Variants in CAST observed in about 807,000 individuals in gnomAD.
CAST encodes MIR583 host.
A neutral mutation model predicts 119.6 loss-of-function variants in CAST; 76 were observed. The ratio of observed to expected loss-of-function variants is 0.64; its 90% CI spans 0.53 to 0.77. The LOEUF is 0.77. Ranked by LOEUF, CAST falls within the 30% of genes least tolerant of loss-of-function variation. CAST has a pLI of 0.00. For synonymous variants in CAST, 319 were observed against 331.6 expected (o/e 0.96, Z 0.41); for missense variants, 953 against 946.5 (o/e 1.01, Z -0.09).
At chr5:96,514,302 C>A in the CAST span, among the ~76,000 whole-genome samples, 19 of 152,090 alleles carry the variant, frequency 1.2e-4, no homozygotes, top group Admixed American at 9.8e-4. Context: ...ACAGGTTATT[C>A]ATTTATGAGT....
At chr5:96,027,361 A>G in the CAST span, among the ~76,000 whole-genome samples, 1 of 152,132 alleles carries the variant, frequency 6.6e-6, no homozygotes, top group African/African-American at 2.4e-5. Flanking sequence ...TTTCAGCATT[A>G]TTAATTTTGC....
chr5:96,543,530 C>T (rs1001823154), intron 1 of CAST, among the ~76,000 whole-genome samples: 7 of 152,036 alleles, frequency 4.6e-5, no homozygotes, highest in African/African-American at 7.2e-5. Context: ...ACATGTACCC[C>T]GGAACTTAAA....
the CAST span, among the ~76,000 whole-genome samples, chr5:96,375,036 T>C: frequency 2.6e-5 from 4 of 152,236 alleles, no homozygotes; most frequent in African/African-American, 4.8e-5. Context: ...TTCTCATATA[T>C]TCAATAAGTC....
At chr5:96,491,268 G>A in the CAST span, among the ~76,000 whole-genome samples, 1 of 151,342 alleles carries the variant, frequency 6.6e-6, no homozygotes, top group Non-Finnish European at 1.5e-5. Context: ...GGTGGATCAC[G>A]AGGTCAGGAG....
chr5:96,045,249 A>AT, the CAST span, among the ~76,000 whole-genome samples: 1 of 152,042 alleles, frequency 6.6e-6, no homozygotes, highest in African/African-American at 2.4e-5. Flanking sequence ...GCTACTCAGG[A>AT]GGCTGAGTCA....
intron 1 of CAST, among the ~76,000 whole-genome samples, chr5:96,627,919 T>C (rs189473673): frequency 6.6e-6 from 1 of 152,368 alleles, no homozygotes; most frequent in Admixed American, 6.5e-5. Flanking sequence ...TCGCTAGTCA[T>C]GTGCCTTACC....
At chr5:96,228,019 G>A in the CAST span, among the ~76,000 whole-genome samples, 23 of 152,208 alleles carry the variant, frequency 1.5e-4, no homozygotes, top group African/African-American at 5.5e-4. Flanking sequence ...GTGTGTGTGT[G>A]TGTGTGTGCA....
chr5:96,477,065 AAC>A, the CAST span, among the ~76,000 whole-genome samples: 19,894 of 136,100 alleles, frequency 0.15, 1,459 homozygotes, highest in African/African-American at 0.19. Flanking sequence ...AATGTGCCAA[AAC>A]ACACACACAC....
At chr5:96,203,932 G>A in the CAST span, among the ~76,000 whole-genome samples, 3 of 152,032 alleles carry the variant, frequency 2.0e-5, no homozygotes, top group East Asian at 1.9e-4. Flanking sequence ...CAAATAGACC[G>A]GGCTGATGAG....
At chr5:96,048,937 G>A in the CAST span, among the ~76,000 whole-genome samples, 27 of 152,330 alleles carry the variant, frequency 1.8e-4, no homozygotes, top group Non-Finnish European at 2.5e-4. Context: ...TAGGATCAAA[G>A]TCTGCAGCAT....
At chr5:96,035,296 A>T in the CAST span, among the ~76,000 whole-genome samples, 1 of 150,586 alleles carries the variant, frequency 6.6e-6, no homozygotes, top group Non-Finnish European at 1.5e-5. Flanking sequence ...ATTTTTTTAA[A>T]TAATTGATAT....
the CAST span, among the ~76,000 whole-genome samples, chr5:96,428,933 A>T: frequency 6.6e-6 from 1 of 152,122 alleles, no homozygotes; most frequent in Non-Finnish European, 1.5e-5. Flanking sequence ...TGAATTTGTG[A>T]GTGTACATAT....
the CAST span, among the ~76,000 whole-genome samples, chr5:96,093,335 A>T: frequency 2.0e-5 from 3 of 152,222 alleles, no homozygotes; most frequent in Non-Finnish European, 2.9e-5. Flanking sequence ...GCAGTGCAGG[A>T]GGAAGAAAAG....
the CAST span, among the ~76,000 whole-genome samples, chr5:96,176,290 A>G: frequency 1.3e-5 from 2 of 152,264 alleles, no homozygotes; most frequent in Non-Finnish European, 2.9e-5. Context: ...AAGGCAGTCT[A>G]GAGAAAGGAG....
At chr5:96,702,535 C>G (rs369387074) in intron 3 of CAST, among the ~76,000 whole-genome samples, 1 of 152,246 alleles carries the variant, frequency 6.6e-6, no homozygotes, top group East Asian at 1.9e-4. Context: ...AGTGCACCCA[C>G]CGTCGTTGCC....
the CAST span, among the ~76,000 whole-genome samples, chr5:96,175,402 C>T: frequency 6.6e-6 from 1 of 152,050 alleles, no homozygotes; most frequent in South Asian, 2.1e-4. Flanking sequence ...TACTGAATGC[C>T]AAGGACTCAT....
chr5:96,024,411 G>A, the CAST span, among the ~76,000 whole-genome samples: 1 of 152,178 alleles, frequency 6.6e-6, no homozygotes. Flanking sequence ...TTGAGGCCAA[G>A]TAGAAAGCAA....
At chr5:96,762,439 C>A in intron 25 of CAST, 67 bp downstream of exon 25, 1 of 1,176,554 alleles carries the variant, frequency 8.5e-7, no homozygotes, top group Non-Finnish European at 1.2e-6. Flanking sequence ...GAAAATAGGG[C>A]GCCTGTTTAA....
At chr5:96,316,027 A>ACC in the CAST span, among the ~76,000 whole-genome samples, 1 of 152,106 alleles carries the variant, frequency 6.6e-6, no homozygotes, top group Non-Finnish European at 1.5e-5. Context: ...AACAAAACCC[A>ACC]CCCAGCTGAG....
Sources: gnomAD v4.1 joint callset for allele counts (sites outside exome capture counted in the v4.1 genomes callset) on GRCh38, gnomAD v4.1.1 for gene constraint, MANE v1.5 for transcripts, NCBI Gene and HGNC (gene_info 2026-07-23, HGNC 2026-07-21) for gene names.